MYRFL: variants seen among roughly 807,000 people sequenced by gnomAD.
The protein encoded by MYRFL is myelin regulatory factor-like protein.
A neutral mutation model predicts 109.4 loss-of-function variants in MYRFL; 88 were observed. That is an observed-to-expected ratio of 0.80 (90% CI 0.68 to 0.96). MYRFL has a LOEUF of 0.96. Ranked by LOEUF, MYRFL falls within the 40% of genes least tolerant of loss-of-function variation. The pLI, the probability that MYRFL is intolerant of heterozygous loss-of-function variation, is 0.00. For synonymous variants in MYRFL, 324 were observed against 320.9 expected, an observed-to-expected ratio of 1.01 and a Z score of -0.10; for missense variants, 957 against 954.9, an observed-to-expected ratio of 1.00 and a Z score of -0.03.
At position 69,825,545 on chromosome 12, in the gene MYRFL, C is replaced by T. The variant is rs1215031707; in HGVS notation, c.28C>T (p.Leu10=). The T allele has an allele frequency of 2.8e-6, 2 of 702,022 alleles. No homozygotes were observed. The highest frequency in any genetic ancestry group is 2.6e-6 in the Non-Finnish European group (1 of 384,320). 43.5% of individuals were successfully genotyped at this position (702,022 alleles called of 1,614,324 possible). MDVVGENEA[L]QQFFEAQGAN... ...GGATGTGGTAGGCGAAAATGAGGCC[C>T]TGCAGCAGTTCTTTGAAGGTAAGAG... Residue 10 remains leucine (L), a synonymous_variant, in exon 1 of 25, where the codon CTG becomes TTG. Transcript: ENST00000552032.
chr12:69,828,933 A>G (rs948411253), intron 1 of MYRFL, among the ~76,000 whole-genome samples: 2 of 152,100 alleles, frequency 1.3e-5, no homozygotes, highest in African/African-American at 4.8e-5. Flanking sequence ...TTGAGAAGCT[A>G]TTTATTTATC....
Position 69,845,455 on chromosome 12 carries a change from G to A in MYRFL, c.47-9825G>A, listed in dbSNP as rs191955405. ...CATTTCTGACCATCTAAATCTCTAGGAATCACTCCTGTGAATCCAGGAGGC... is the reference window on the plus strand; with the variant it reads ...CATTTCTGACCATCTAAATCTCTAGAAATCACTCCTGTGAATCCAGGAGGC... On this transcript the variant is annotated intron_variant, in intron 1 of 24. Transcript: ENST00000552032. Among the ~76,000 whole-genome samples the A allele has an allele frequency of 2.3e-3, 354 of 152,226 alleles. 3 individuals carry two copies. The highest frequency in any genetic ancestry group is 0.01 in the South Asian group (49 of 4,822).
In MYRFL at chr12:69,891,289, A is replaced by T; in HGVS notation, c.903+123A>T. 4 of 719,848 alleles carry T rather than the reference A, an allele frequency of 5.6e-6. No homozygotes were observed. In the South Asian group the frequency reaches 1.3e-4, roughly 24 times the overall value. 44.6% of individuals were successfully genotyped at this position (719,848 alleles called of 1,614,324 possible). On this transcript the variant is annotated intron_variant, in intron 7 of 24. Coordinates refer to ENST00000552032, the MANE Select transcript of MYRFL (RefSeq NM_182530.3). ...AATAACAGTCCTTTATTTTGGTCAC[A>T]AATCTGCAACTGGGTCAGCGTGTGA...
intron 1 of MYRFL, among the ~76,000 whole-genome samples, chr12:69,843,659 G>A (rs1883369109): frequency 6.6e-6 from 1 of 152,170 alleles, no homozygotes; most frequent in African/African-American, 2.4e-5. Context: ...TGTGTTTGTA[G>A]TACTCCCTGA....
intron 5 of MYRFL, among the ~76,000 whole-genome samples, chr12:69,883,159 T>C (rs978563426): frequency 6.6e-6 from 1 of 152,208 alleles, no homozygotes; most frequent in African/African-American, 2.4e-5. Flanking sequence ...GAGGAAGATT[T>C]GAATCTCACC....
intron 9 of MYRFL, among the ~76,000 whole-genome samples, chr12:69,896,945 C>T (rs10879036): frequency 0.32 from 48,375 of 152,138 alleles, 7,979 homozygotes; most frequent in African/African-American, 0.37. Context: ...ACCAACTGGG[C>T]AAAGAGCTGA....
intron 13 of MYRFL, among the ~76,000 whole-genome samples, chr12:69,920,105 G>C (rs1348290200): frequency 6.6e-6 from 1 of 152,156 alleles, no homozygotes; most frequent in African/African-American, 2.4e-5. Flanking sequence ...ATTTCCTGAA[G>C]TGGGTGAGGT....
intron 13 of MYRFL, among the ~76,000 whole-genome samples, chr12:69,913,727 T>TGTGA (rs1954648823): frequency 1.3e-5 from 2 of 152,206 alleles, no homozygotes; most frequent in Admixed American, 6.5e-5. Context: ...AATCAGGAAG[T>TGTGA]GTGAGTCATA....
intron 1 of MYRFL, among the ~76,000 whole-genome samples, chr12:69,835,841 C>T (rs1033241625): frequency 6.6e-6 from 1 of 152,196 alleles, no homozygotes; most frequent in Non-Finnish European, 1.5e-5. Context: ...GGGGCTCCAA[C>T]ACCATGGCAG....
intron 1 of MYRFL, among the ~76,000 whole-genome samples, chr12:69,853,516 G>A (rs989308119): frequency 1.3e-5 from 2 of 148,970 alleles, no homozygotes; most frequent in Non-Finnish European, 3.0e-5. Context: ...CATCCCAGAC[G>A]GGGCGGCGGG....
In MYRFL at chr12:69,903,668, A is replaced by G. The variant is rs1181916551; in HGVS notation, c.1207A>G (p.Asn403Asp). The change falls in exon 11 of 25, where the codon AAT becomes GAT. Residue 403 changes from asparagine to aspartate, a missense_variant. Physicochemically the swap from Asn to Asp is conservative, Grantham distance 23. Coordinates refer to ENST00000552032, the MANE Select transcript of MYRFL (RefSeq NM_182530.3). ...GGCCTCTAACCCTGGGCAGTTTGAAAATGACAGTGATGCATTGTGGCAGCG... is the reference window on the plus strand; with the variant it reads ...GGCCTCTAACCCTGGGCAGTTTGAAGATGACAGTGATGCATTGTGGCAGCG... ...VRASNPGQFENDSDALWQRGQ... is the reference protein window; with the variant it reads ...VRASNPGQFEDDSDALWQRGQ... The G allele has an allele frequency of 1.9e-5, 29 of 1,535,862 alleles. No individual in the cohort carries two copies. In the East Asian group the frequency reaches 6.8e-4, roughly 36 times the overall value.
At chr12:69,895,310 G>A in intron 8 of MYRFL, 61 bp from the exon 9 acceptor site, 1 of 1,217,676 alleles carries the variant, frequency 8.2e-7, no homozygotes, top group Non-Finnish European at 1.2e-6. Flanking sequence ...GATTAGATAT[G>A]ATCAGAGATT....
intron 19 of MYRFL, among the ~76,000 whole-genome samples, chr12:69,938,365 T>C (rs1032199316): frequency 6.6e-6 from 1 of 152,188 alleles, no homozygotes; most frequent in African/African-American, 2.4e-5. Flanking sequence ...TAACAGATCC[T>C]GAATAGGAAG....
Position 69,958,438 on chromosome 12 carries a change from C to G in MYRFL, c.2647-7C>G, listed in dbSNP as rs1238870859. 1 of 1,511,178 alleles carries G rather than the reference C, an allele frequency of 6.6e-7. No homozygotes were observed. 93.6% of individuals were successfully genotyped at this position (1,511,178 alleles called of 1,614,324 possible). A position where few individuals can be genotyped will look rare whatever the true frequency, so the allele number is the denominator to read the frequency against. Reference sequence around the variant, plus strand: ...TCTTCCTTTTTTTTTTTCTCCTTTTCTGACAGGATTTAGCTGACTGTTCAA... The same window carrying G: ...TCTTCCTTTTTTTTTTTCTCCTTTTGTGACAGGATTTAGCTGACTGTTCAA... On this transcript the variant is annotated splice_region_variant and splice_polypyrimidine_tract_variant and intron_variant, in intron 24 of 24. Transcript: ENST00000552032.
In MYRFL at chr12:69,936,087, T is replaced by TTTG; in HGVS notation, c.1917-24_1917-23insGTT. On this transcript the variant is annotated intron_variant, in intron 16 of 24. Transcript: ENST00000552032. The stretch of plus-strand genomic sequence containing the variant: ...AAATCTGCCACATAATGTTTTTTTT[T>TTTG]TTTTTTTTTTTTTTTTTTTTGACAG... 3.0e-6 allele frequency: 4 copies of TTTG among 1,331,340 alleles called. No homozygotes were observed. The African/African-American group carries it at 4.8e-5, about 16-fold the overall frequency. The allele number at this position is 1,331,340 out of a possible 1,614,324, so 82.5% of individuals were successfully genotyped here. A position where few individuals can be genotyped will look rare whatever the true frequency, so the allele number is the denominator to read the frequency against.
intron 19 of MYRFL, among the ~76,000 whole-genome samples, chr12:69,939,046 C>T (rs1279422419): frequency 1.3e-5 from 2 of 152,216 alleles, no homozygotes; most frequent in African/African-American, 2.4e-5. Flanking sequence ...GGTCCTACCC[C>T]ATGGAGTCTC....
At chr12:69,944,037 G>A (rs1955752429) in intron 19 of MYRFL, among the ~76,000 whole-genome samples, 1 of 150,000 alleles carries the variant, frequency 6.7e-6, no homozygotes, top group Non-Finnish European at 1.5e-5. Context: ...GGAAGCAACA[G>A]GTGCTGGAGA....
chr12:69,946,467 C>T (rs1955842380), intron 19 of MYRFL: 1 of 151,702 alleles, frequency 6.6e-6, no homozygotes, highest in South Asian at 2.1e-4. Flanking sequence ...TGGCACCTGA[C>T]TTTTTGGCCC....
intron 7 of MYRFL, among the ~76,000 whole-genome samples, chr12:69,891,415 C>T (rs542871361): frequency 2.6e-5 from 4 of 152,192 alleles, no homozygotes; most frequent in Non-Finnish European, 5.9e-5. Context: ...GGCTGGCCAT[C>T]AGCTGGAGCT....
Sources: gnomAD v4.1 joint callset for allele counts (sites outside exome capture counted in the v4.1 genomes callset) on GRCh38, gnomAD v4.1.1 for gene constraint, MANE v1.5 for transcripts, NCBI Gene and HGNC (gene_info 2026-07-23, HGNC 2026-07-21) for gene names.